Variants in CLCC1 observed in about 807,000 individuals in gnomAD.
CLCC1 encodes the protein chloride channel CLIC-like protein 1.
In CLCC1, 39 loss-of-function variants were observed where a neutral mutation model predicts 63.3. The observed-to-expected ratio is 0.62, with a 90% CI of 0.48 to 0.81. The LOEUF (loss-of-function observed/expected upper bound fraction) is 0.81, where lower values mean the gene tolerates loss of function less well. Ranked by LOEUF, CLCC1 falls within the 30% of genes least tolerant of loss-of-function variation. The pLI, the probability that CLCC1 is intolerant of heterozygous loss-of-function variation, is 0.00. For synonymous variants in CLCC1, 217 were observed against 239.8 expected, an observed-to-expected ratio of 0.90 and a Z score of 0.88; for missense variants, 549 against 669.4, an observed-to-expected ratio of 0.82 and a Z score of 1.98.
chr1:108,953,330 T>C (rs897041235), intron 2 of CLCC1, among the ~76,000 whole-genome samples: 5 of 152,242 alleles, frequency 3.3e-5, no homozygotes, highest in African/African-American at 1.2e-4. Flanking sequence ...ATTAGCACAA[T>C]AGCTCTCAAC....
intron 7 of CLCC1, among the ~76,000 whole-genome samples, 154 bp from the exon 8 acceptor site, chr1:108,941,652 AT>A (rs1304645882): frequency 6.6e-6 from 1 of 151,864 alleles, no homozygotes; most frequent in Non-Finnish European, 1.5e-5. Context: ...TATTATTACT[AT>A]TTTTTCTCTT....
rs528977864 is a variant in CLCC1, at chr1:108,962,677, T to C, written c.-172-208A>G. ...TGAGCCCAGGAGTCAGAGACAAGCCTGGACAACACAGGGAGACCCCTTCTC... is the reference window on the plus strand; with the variant it reads ...TGAGCCCAGGAGTCAGAGACAAGCCCGGACAACACAGGGAGACCCCTTCTC... On this transcript the variant is annotated intron_variant, in intron 1 of 12. Transcript: ENST00000369969. Among the ~76,000 whole-genome samples, 208 of 152,224 alleles carry C rather than the reference T, an allele frequency of 1.4e-3. 1 individual carries two copies. The highest frequency in any genetic ancestry group is 4.9e-3 in the African/African-American group (202 of 41,526).
At chr1:108,941,686 C>T (rs897593677) in intron 7 of CLCC1, among the ~76,000 whole-genome samples, 188 bp from the exon 8 acceptor site, 2 of 152,078 alleles carry the variant, frequency 1.3e-5, no homozygotes, top group Non-Finnish European at 2.9e-5. Flanking sequence ...CGGAGTCTCG[C>T]CCTGTCACCC....
chr1:108,949,899 T>C lies in CLCC1; in HGVS notation c.152A>G (p.Glu51Gly). ...KSQAKYGISG[E>G]KDVSPDLSCA... is the part of the protein sequence containing the mutation. ...TGACAAGTCAGGACTGACATCCTTT[T>C]CCCCTGAAATACCATATTTTGCCTA... The change falls in exon 4 of 13, where the codon GAA (glutamate) becomes GGA (glycine). Residue 51 changes from glutamate to glycine, a missense_variant. Transcript: ENST00000369969. 1 of 1,598,868 alleles carries C rather than the reference T, an allele frequency of 6.3e-7. No individual in the cohort carries two copies. Among genetic ancestry groups the C allele is most frequent in the Non-Finnish European group, 8.5e-7 (1 of 1,174,146 alleles).
chr1:108,943,701 C>T (rs1401797865), intron 6 of CLCC1, 86 bp from the exon 7 acceptor site: 21 of 1,552,014 alleles, frequency 1.4e-5, no homozygotes, highest in Non-Finnish European at 1.8e-5. Context: ...AAAATCATTT[C>T]TACAATTTTG....
At chr1:108,939,451 C>A (rs529411519) in intron 10 of CLCC1, among the ~76,000 whole-genome samples, 185 bp downstream of exon 10, 77 of 151,242 alleles carry the variant, frequency 5.1e-4, no homozygotes, top group African/African-American at 1.7e-3. Context: ...GGACTACAGG[C>A]GCCCGCCACC....
At chr1:108,941,785 C>CTGGG (rs1488405165) in intron 7 of CLCC1, among the ~76,000 whole-genome samples, 1 of 152,118 alleles carries the variant, frequency 6.6e-6, no homozygotes, top group African/African-American at 2.4e-5. Flanking sequence ...TCCCGAGTAG[C>CTGGG]TGGGATTAAA....
At chr1:108,961,470 A>G (rs1286808659) in intron 2 of CLCC1, among the ~76,000 whole-genome samples, 3 of 152,176 alleles carry the variant, frequency 2.0e-5, no homozygotes. Context: ...GTCAGGGGAC[A>G]CTACTCTTTC....
chr1:108,943,068 C>T (rs1328920920), intron 7 of CLCC1, among the ~76,000 whole-genome samples: 1 of 152,086 alleles, frequency 6.6e-6, no homozygotes, highest in Non-Finnish European at 1.5e-5. Flanking sequence ...CGTCACCAGG[C>T]CCAGCTAATT....
chr1:108,933,995 A>C (rs1652445908), intron 12 of CLCC1: 1 of 152,278 alleles, frequency 6.6e-6, no homozygotes, highest in Non-Finnish European at 1.5e-5. Flanking sequence ...GAAAAGAATA[A>C]AGTCATTTTC....
chr1:108,947,583 G>T, intron 5 of CLCC1, 28 bp downstream of exon 5: 1 of 1,270,866 alleles, frequency 7.9e-7, no homozygotes, highest in South Asian at 1.3e-5. Flanking sequence ...ACACTATACG[G>T]ATTAGTATCA....
intron 7 of CLCC1, among the ~76,000 whole-genome samples, chr1:108,942,811 T>A (rs917248815): frequency 6.6e-6 from 1 of 152,236 alleles, no homozygotes; most frequent in African/African-American, 2.4e-5. Context: ...ACCTAATTTT[T>A]AAAAAATAAT....
chr1:108,936,081 AGTT>A (rs1321344951), intron 11 of CLCC1, among the ~76,000 whole-genome samples: 10 of 139,650 alleles, frequency 7.2e-5, no homozygotes, highest in African/African-American at 1.9e-4. Context: ...GACCATCTTA[AGTT>A]GTTTTTTTTT....
intron 11 of CLCC1, among the ~76,000 whole-genome samples, chr1:108,935,694 ATT>A (rs1652818704): frequency 1.3e-5 from 2 of 152,204 alleles, no homozygotes; most frequent in African/African-American, 2.4e-5. Context: ...TGAGCCCAGG[ATT>A]TTGAGGCTGC....
intron 2 of CLCC1, among the ~76,000 whole-genome samples, chr1:108,955,201 A>G (rs1655724710): frequency 6.6e-6 from 1 of 151,330 alleles, no homozygotes; most frequent in South Asian, 2.1e-4. Context: ...TTCTTCAGGA[A>G]GGTTACATTC....
At chr1:108,932,859 G>A (rs910149313) in intron 12 of CLCC1, 3 of 152,332 alleles carry the variant, frequency 2.0e-5, no homozygotes, top group South Asian at 4.1e-4. Flanking sequence ...CGTTTCTGAT[G>A]AAATTCTAAA....
intron 6 of CLCC1, 71 bp downstream of exon 6, chr1:108,943,765 T>C: frequency 1.4e-6 from 2 of 1,448,038 alleles, no homozygotes; most frequent in East Asian, 4.5e-5. Context: ...TTAACGTAAT[T>C]ATGGTGGAGT....
chr1:108,960,286 G>A (rs1656452599), intron 2 of CLCC1, among the ~76,000 whole-genome samples: 1 of 152,214 alleles, frequency 6.6e-6, no homozygotes. Flanking sequence ...CCAGAGAGGA[G>A]AGTGAAGGCT....
intron 12 of CLCC1, chr1:108,932,874 T>C (rs1177794154): frequency 6.6e-6 from 1 of 152,246 alleles, no homozygotes; most frequent in Admixed American, 6.5e-5. Context: ...TCTAAAGATG[T>C]TTGCAATATT....
Sources: allele counts gnomAD v4.1 joint callset (sites outside exome capture counted in the v4.1 genomes callset), GRCh38; gene constraint gnomAD v4.1.1; transcripts MANE v1.5; gene names NCBI Gene and HGNC (gene_info 2026-07-23, HGNC 2026-07-21).